WWOX: variants seen among roughly 807,000 people sequenced by gnomAD.
WWOX encodes the protein WW domain-containing oxidoreductase.
A neutral mutation model predicts 46.2 loss-of-function variants in WWOX; 69 were observed. That is an observed-to-expected ratio of 1.49 (90% CI 1.23 to 1.82). The LOEUF (loss-of-function observed/expected upper bound fraction) is 1.82. WWOX is among the 40% of genes most tolerant of loss of function. WWOX has a pLI of 0.00. For synonymous variants in WWOX, 359 were observed against 202.6 expected (o/e 1.77, Z -6.56); for missense variants, 919 against 542.6 (o/e 1.69, Z -6.89).
intron 8 of WWOX, among the ~76,000 whole-genome samples, chr16:79,035,958 C>T (rs1045146919): frequency 1.3e-5 from 2 of 152,240 alleles, no homozygotes; most frequent in Admixed American, 6.5e-5. Context: ...GCCATGCCTA[C>T]ATTGCCACCA....
At chr16:78,696,695 A>T (rs1260668868) in intron 8 of WWOX, among the ~76,000 whole-genome samples, 1 of 151,766 alleles carries the variant, frequency 6.6e-6, no homozygotes, top group Non-Finnish European at 1.5e-5. Context: ...TGGGGGGGGT[A>T]CAGGTGGTAT....
In WWOX at chr16:78,300,281, A is replaced by G. The variant is rs892198452; in HGVS notation, c.517-86579A>G. On this transcript the variant is annotated intron_variant, in intron 5 of 8. Coordinates refer to ENST00000566780, the MANE Select transcript of WWOX (RefSeq NM_016373.4). Reference sequence around the variant, plus strand: ...GGCTAGGTTAAATAGTTTGTCTCCAATATGGGTGTTAGTCATATTGTCATC... The same window carrying G: ...GGCTAGGTTAAATAGTTTGTCTCCAGTATGGGTGTTAGTCATATTGTCATC... 2.0e-5 allele frequency among the ~76,000 whole-genome samples: 3 copies of G among 152,234 alleles called. No individual in the cohort carries two copies. The South Asian group carries it at 6.2e-4, about 32-fold the overall frequency.
chr16:78,909,282 C>G (rs2045047450), intron 8 of WWOX, among the ~76,000 whole-genome samples: 1 of 152,202 alleles, frequency 6.6e-6, no homozygotes. Context: ...GAGACAGGCA[C>G]TTGTAAATGT....
At chr16:78,731,457 A>T in intron 8 of WWOX, among the ~76,000 whole-genome samples, 1 of 151,884 alleles carries the variant, frequency 6.6e-6, no homozygotes, top group East Asian at 1.9e-4. Flanking sequence ...TTCAACATAG[A>T]CTTGTTACAA....
intron 8 of WWOX, among the ~76,000 whole-genome samples, chr16:78,618,298 AC>A (rs1346433536): frequency 6.6e-6 from 1 of 152,186 alleles, no homozygotes; most frequent in Admixed American, 6.5e-5. Flanking sequence ...CTGTAGAAAT[AC>A]CACAGGTCAG....
At chr16:79,142,328 A>G (rs2050105677) in intron 8 of WWOX, among the ~76,000 whole-genome samples, 1 of 152,172 alleles carries the variant, frequency 6.6e-6, no homozygotes, top group Non-Finnish European at 1.5e-5. Context: ...GAAATGGCTC[A>G]ATTTTGTGCT....
At chr16:78,374,285 TATTTA>T (rs1419173236) in intron 5 of WWOX, among the ~76,000 whole-genome samples, 3 of 152,188 alleles carry the variant, frequency 2.0e-5, no homozygotes, top group Non-Finnish European at 2.9e-5. Context: ...AGTATCAAGT[TATTTA>T]ATGTCTATCA....
At chr16:78,922,283 T>C (rs9934829) in intron 8 of WWOX, among the ~76,000 whole-genome samples, 149,864 of 152,238 alleles carry the variant, frequency 0.98, 73,797 homozygotes, top group Middle Eastern at 1. Context: ...TTAGGCCCCA[T>C]CCTAAATCAC....
At chr16:78,405,393 T>C (rs2082504525) in intron 6 of WWOX, among the ~76,000 whole-genome samples, 1 of 152,242 alleles carries the variant, frequency 6.6e-6, no homozygotes, top group South Asian at 2.1e-4. Context: ...ATTATTTTAA[T>C]ACTTGATGGT....
intron 8 of WWOX, among the ~76,000 whole-genome samples, chr16:78,805,021 A>G (rs968841389): frequency 6.6e-6 from 1 of 152,246 alleles, no homozygotes. Flanking sequence ...TGCATGAGCA[A>G]AATGCCCCTT....
At chr16:78,939,505 A>G (rs2045809437) in intron 8 of WWOX, among the ~76,000 whole-genome samples, 1 of 152,208 alleles carries the variant, frequency 6.6e-6, no homozygotes. Flanking sequence ...GTTTGTTTCA[A>G]GTCTAGTCTG....
intron 8 of WWOX, among the ~76,000 whole-genome samples, chr16:78,690,584 A>C (rs1029888466): frequency 1.3e-5 from 2 of 152,168 alleles, no homozygotes; most frequent in Non-Finnish European, 2.9e-5. Flanking sequence ...ATGTTTATTG[A>C]ATGAAGACAT....
rs1231083469 is a variant in WWOX at position 78,753,071 on chromosome 16, G to T, written c.1056+320319G>T. Among the ~76,000 whole-genome samples, 3 of 152,282 alleles carry T rather than the reference G, an allele frequency of 2.0e-5. No homozygotes were observed. In the East Asian group the frequency reaches 5.8e-4, roughly 29 times the overall value. On this transcript the variant is annotated intron_variant, in intron 8 of 8. Transcript: ENST00000566780. ...GCACTTTGGGAGGCCGAGGCGGGTG[G>T]ATCACCTGAGGTCAGGAGATGGAGA... is the stretch of plus-strand genomic sequence containing the variant.
chr16:78,747,844 A>G lies in WWOX; in HGVS notation c.1056+315092A>G, dbSNP rs893791741. 2.6e-5 allele frequency among the ~76,000 whole-genome samples: 4 copies of G among 152,166 alleles called. No homozygotes were observed. The East Asian group carries it at 7.7e-4, about 29-fold the overall frequency. ...CTGTCTCCAAGCTGCTCCATGATCA[A>G]GGATAAACTATAATCTTTCTCTCTG... On this transcript the variant is annotated intron_variant, in intron 8 of 8. Coordinates refer to ENST00000566780, the MANE Select transcript of WWOX (RefSeq NM_016373.4).
intron 8 of WWOX, among the ~76,000 whole-genome samples, chr16:79,200,740 A>G (rs1250894239): frequency 2.6e-5 from 4 of 152,126 alleles, no homozygotes; most frequent in Admixed American, 6.5e-5. Context: ...ATGATTTGGA[A>G]GGGAGATCTA....
At chr16:79,043,293 G>C (rs1189799443) in intron 8 of WWOX, among the ~76,000 whole-genome samples, 1 of 142,970 alleles carries the variant, frequency 7.0e-6, no homozygotes, top group Non-Finnish European at 1.5e-5. Context: ...CAGATGAATA[G>C]AGGTGGTGGC....
rs2084053231 is a variant in WWOX at position 78,465,501 on chromosome 16, ACTGT to A, written c.1056+32754_1056+32757del. Among the ~76,000 whole-genome samples, 4 of 152,134 alleles carry A rather than the reference ACTGT, an allele frequency of 2.6e-5. No homozygotes were observed. In the South Asian group the frequency reaches 8.3e-4, roughly 32 times the overall value. On this transcript the variant is annotated intron_variant, in intron 8 of 8. Coordinates refer to ENST00000566780, the MANE Select transcript of WWOX (RefSeq NM_016373.4). The stretch of plus-strand genomic sequence containing the variant: ...AGCCTGGGGGAGGGTTTGTTAAAGA[ACTGT>A]CTGTTTTATCACATGACCACAAGTT...
chr16:78,782,711 A>G (rs2050360818), intron 8 of WWOX, among the ~76,000 whole-genome samples: 1 of 134,218 alleles, frequency 7.5e-6, no homozygotes, highest in Non-Finnish European at 1.6e-5. Flanking sequence ...ATCATACTAT[A>G]TATGCAATTT....
intron 8 of WWOX, among the ~76,000 whole-genome samples, chr16:78,569,784 T>C (rs146796069): frequency 6.6e-6 from 1 of 152,326 alleles, no homozygotes; most frequent in African/African-American, 2.4e-5. Flanking sequence ...ATCCTCTTCT[T>C]ATTGACCAAA....
Sources: allele counts gnomAD v4.1 joint callset (sites outside exome capture counted in the v4.1 genomes callset), GRCh38; gene constraint gnomAD v4.1.1; transcripts MANE v1.5; gene names NCBI Gene and HGNC (gene_info 2026-07-23, HGNC 2026-07-21).